AFG1L: variants seen among roughly 807,000 people sequenced by gnomAD.
The protein encoded by AFG1L is AFG1-like ATPase.
Under a neutral mutation model 62.2 loss-of-function variants are expected in AFG1L, and 53 were observed. That is an observed-to-expected ratio of 0.85 (90% CI 0.68 to 1.07). The LOEUF is 1.07. Among genes scored for constraint, AFG1L ranks in the 50% least tolerant of loss-of-function variants. The probability of loss-of-function intolerance (pLI) is 0.00; values close to 1 mark genes in which losing one functional copy is unlikely to be tolerated. For synonymous variants in AFG1L, 228 were observed against 210.3 expected (o/e 1.08, Z -0.73); for missense variants, 555 against 590.5 (o/e 0.94, Z 0.62).
chr6:108,373,916 T>C (rs1780128209), intron 6 of AFG1L, among the ~76,000 whole-genome samples: 1 of 152,190 alleles, frequency 6.6e-6, no homozygotes, highest in Admixed American at 6.5e-5. Flanking sequence ...GTCTCCAAAC[T>C]GCTTTCCACA....
chr6:108,402,265 C>A (rs1173338840), intron 7 of AFG1L, among the ~76,000 whole-genome samples: 1 of 151,942 alleles, frequency 6.6e-6, no homozygotes, highest in East Asian at 1.9e-4. Flanking sequence ...GAGTTCAAGA[C>A]CAACCTGACC....
chr6:108,307,567 C>T (rs759862078), intron 1 of AFG1L, among the ~76,000 whole-genome samples: 40 of 151,670 alleles, frequency 2.6e-4, no homozygotes, highest in African/African-American at 3.6e-4. Context: ...AGCACCACCA[C>T]GCCTGGCTAA....
chr6:108,311,246 G>C (rs1777394087), intron 1 of AFG1L, among the ~76,000 whole-genome samples: 1 of 152,130 alleles, frequency 6.6e-6, no homozygotes, highest in South Asian at 2.1e-4. Flanking sequence ...ACACTGTCGT[G>C]TTTCTGGGCC....
chr6:108,440,283 C>T (rs1771483134), intron 7 of AFG1L, among the ~76,000 whole-genome samples: 1 of 152,020 alleles, frequency 6.6e-6, no homozygotes, highest in African/African-American at 2.4e-5. Flanking sequence ...ATTCTCCTGC[C>T]TCAGCCTCCT....
intron 6 of AFG1L, among the ~76,000 whole-genome samples, chr6:108,394,983 C>T (rs1781225431): frequency 1.3e-5 from 2 of 152,210 alleles, no homozygotes; most frequent in Non-Finnish European, 2.9e-5. Flanking sequence ...CATTTGAATC[C>T]TTTTACTCAT....
intron 1 of AFG1L, among the ~76,000 whole-genome samples, chr6:108,314,848 C>CT (rs879271830): frequency 1.0e-3 from 148 of 147,040 alleles, no homozygotes; most frequent in African/African-American, 2.9e-3. Flanking sequence ...AGTGCTTGTA[C>CT]TTTTTTTTTT....
At position 108,522,399 on chromosome 6, in the gene AFG1L, A is replaced by C; in HGVS notation, c.1420A>C (p.Asn474His). Residue 474 changes from asparagine (N) to histidine (H), a missense_variant, in exon 13 of 13, where the codon AAT becomes CAT. Physicochemically the swap from Asn to His is moderately conservative, Grantham distance 68. Transcript: ENST00000368977. ...LTEMQTEQYW[N>H]EGDRTKK ...GGAAATGCAGACTGAACAGTACTGG[A>C]ATGAAGGAGACAGAACCAAGAAGTA... 6.2e-7 allele frequency: 1 copy of C among 1,613,242 alleles called. No individual in the cohort carries two copies. Among genetic ancestry groups the C allele is most frequent in the Non-Finnish European group, 8.5e-7 (1 of 1,179,320 alleles).
At chr6:108,494,555 A>G (rs1207724034) in intron 10 of AFG1L, among the ~76,000 whole-genome samples, 3 of 152,094 alleles carry the variant, frequency 2.0e-5, no homozygotes, top group Non-Finnish European at 4.4e-5. Context: ...TCAAATGGCA[A>G]AACTTTCCCT....
chr6:108,414,256 G>T (rs1049792841), intron 7 of AFG1L, among the ~76,000 whole-genome samples: 2 of 152,238 alleles, frequency 1.3e-5, no homozygotes, highest in African/African-American at 4.8e-5. Context: ...CCAATAACAG[G>T]TTCTGAAATT....
At chr6:108,308,388 C>T (rs1162226207) in intron 1 of AFG1L, among the ~76,000 whole-genome samples, 3 of 152,202 alleles carry the variant, frequency 2.0e-5, no homozygotes, top group Non-Finnish European at 4.4e-5. Flanking sequence ...TGGCCTCAAG[C>T]TATCCTCCCA....
At chr6:108,338,333 A>C (rs961111667) in intron 2 of AFG1L, among the ~76,000 whole-genome samples, 2 of 152,188 alleles carry the variant, frequency 1.3e-5, no homozygotes, top group Admixed American at 1.3e-4. Context: ...TCTCTGAGAA[A>C]ACTTTTTCCT....
In AFG1L at chr6:108,404,590, A is replaced by G. The variant is rs978379248; in HGVS notation, c.807+2536A>G. On this transcript the variant is annotated intron_variant, in intron 7 of 12. Coordinates refer to ENST00000368977, the MANE Select transcript of AFG1L (RefSeq NM_145315.5). ...TTATTCTCATATTTTTTTTCCTATCAATTACTGAGAGACTTAGGGGATACA... is the reference window on the plus strand; with the variant it reads ...TTATTCTCATATTTTTTTTCCTATCGATTACTGAGAGACTTAGGGGATACA... Among the ~76,000 whole-genome samples the G allele has an allele frequency of 1.3e-4, 20 of 151,962 alleles. No homozygotes were observed. The South Asian group carries it at 2.1e-3, about 16-fold the overall frequency.
At chr6:108,481,497 C>A (rs1300093384) in intron 10 of AFG1L, among the ~76,000 whole-genome samples, 1 of 152,048 alleles carries the variant, frequency 6.6e-6, no homozygotes, top group Non-Finnish European at 1.5e-5. Flanking sequence ...AGTAATGATG[C>A]AAAAGCACTG....
At chr6:108,440,355 G>A (rs1270163836) in intron 7 of AFG1L, among the ~76,000 whole-genome samples, 1 of 151,772 alleles carries the variant, frequency 6.6e-6, no homozygotes, top group Non-Finnish European at 1.5e-5. Context: ...TTTTAGTAGA[G>A]ATGGGGTTTC....
chr6:108,482,882 A>G (rs760736058), intron 10 of AFG1L, among the ~76,000 whole-genome samples: 1 of 152,140 alleles, frequency 6.6e-6, no homozygotes, highest in Non-Finnish European at 1.5e-5. Context: ...TGTCTGAGAT[A>G]ATGTTTGTCA....
chr6:108,460,687 G>A (rs1159664343), intron 8 of AFG1L, among the ~76,000 whole-genome samples: 6 of 152,158 alleles, frequency 3.9e-5, no homozygotes, highest in Non-Finnish European at 5.9e-5. Context: ...GCCAGGCGTG[G>A]TGGCTCACGC....
intron 2 of AFG1L, among the ~76,000 whole-genome samples, chr6:108,330,796 T>C (rs948500403): frequency 3.3e-5 from 5 of 152,212 alleles, no homozygotes; most frequent in African/African-American, 1.2e-4. Flanking sequence ...ACAAATACTA[T>C]TTCTCAAGGT....
At chr6:108,334,424 C>T (rs1476188752) in intron 2 of AFG1L, among the ~76,000 whole-genome samples, 2 of 151,510 alleles carry the variant, frequency 1.3e-5, no homozygotes, top group African/African-American at 2.4e-5. Context: ...GGGTGTGGTG[C>T]GTCATGCCTG....
At chr6:108,444,423 T>G (rs145493738) in intron 7 of AFG1L, among the ~76,000 whole-genome samples, 294 of 152,330 alleles carry the variant, frequency 1.9e-3, no homozygotes, top group African/African-American at 6.5e-3. Flanking sequence ...GGAGTGGCTG[T>G]GGCAGTTTCT....
Sources: gnomAD v4.1 joint callset for allele counts (sites outside exome capture counted in the v4.1 genomes callset) on GRCh38, gnomAD v4.1.1 for gene constraint, MANE v1.5 for transcripts, NCBI Gene and HGNC (gene_info 2026-07-23, HGNC 2026-07-21) for gene names.